The following SLC8A3 variants were observed in gnomAD, a reference collection of about 807,000 sequenced individuals.
SLC8A3 encodes solute carrier family 8 member A3.
Under a neutral mutation model 65.4 loss-of-function variants are expected in SLC8A3, and 37 were observed. The observed-to-expected ratio is 0.57, with a 90% confidence interval of 0.44 to 0.74. The LOEUF is 0.74. Among genes scored for constraint, SLC8A3 ranks in the 30% least tolerant of loss-of-function variants. SLC8A3 has a pLI of 0.00. For missense variants in SLC8A3, 1,112 were observed against 1,172.1 expected, an observed-to-expected ratio of 0.95 and a Z score of 0.75; for synonymous variants, 461 against 444.5, an observed-to-expected ratio of 1.04 and a Z score of -0.47.
At chr14:70,108,998 C>T (rs1893077361) in intron 2 of SLC8A3, among the ~76,000 whole-genome samples, 1 of 152,170 alleles carries the variant, frequency 6.6e-6, no homozygotes, top group Non-Finnish European at 1.5e-5. Context: ...CAGAGCCCTT[C>T]TCAATCTAAA....
chr14:70,174,651 G>GGTT lies in SLC8A3; in HGVS notation c.-62-6168_-62-6167insAAC, dbSNP rs1555385182. Reference sequence around the variant, plus strand: ...CCAAAAAGCCCCTTGGACCAAATCCGTTTTTTTTTTGTTTTTTTTTTTTTT... The same window carrying GGTT: ...CCAAAAAGCCCCTTGGACCAAATCCGGTTTTTTTTTTTTGTTTTTTTTTTTTTT... On this transcript the variant is annotated intron_variant, in intron 1 of 6. Coordinates refer to ENST00000356921, the MANE Select transcript of SLC8A3 (RefSeq NM_182932.3). Among the ~76,000 whole-genome samples, 64 of 90,374 alleles carry GGTT rather than the reference G, an allele frequency of 7.1e-4. 3 individuals are homozygous for GGTT. The highest frequency in any genetic ancestry group is 3.1e-3 in the African/African-American group (62 of 20,260). 59.3% of individuals were successfully genotyped at this position (90,374 alleles called of 152,430 possible). A position where few individuals can be genotyped will look rare whatever the true frequency, so the allele number is the denominator to read the frequency against.
chr14:70,083,267 T>G (rs1376876480), intron 2 of SLC8A3, among the ~76,000 whole-genome samples: 3 of 152,160 alleles, frequency 2.0e-5, no homozygotes, highest in Admixed American at 2.0e-4. Context: ...CTCTTTACAG[T>G]GGACAAAATG....
chr14:70,057,798 G>T (rs953969051), intron 3 of SLC8A3, among the ~76,000 whole-genome samples: 3 of 152,176 alleles, frequency 2.0e-5, no homozygotes, highest in African/African-American at 4.8e-5. Flanking sequence ...AAGAGCATAG[G>T]ACTGTGAGTA....
intron 2 of SLC8A3, among the ~76,000 whole-genome samples, chr14:70,072,302 G>A (rs1228691509): frequency 6.6e-6 from 1 of 152,156 alleles, no homozygotes; most frequent in Non-Finnish European, 1.5e-5. Flanking sequence ...TATGGACCTA[G>A]GGTTCAGGAT....
At position 70,051,098 on chromosome 14, in the gene SLC8A3, C is replaced by T. The variant is rs1887455368; in HGVS notation, c.2023G>A (p.Asp675Asn). The change falls in exon 5 of 7, where the codon GAC (aspartate) becomes AAC (asparagine). Residue 675 changes from aspartate (D) to asparagine (N), a missense_variant. Physicochemically the swap from Asp to Asn is conservative, Grantham distance 23 (BLOSUM62 1). Coordinates refer to ENST00000356921, the MANE Select transcript of SLC8A3 (RefSeq NM_182932.3). ...AGGTTTGTCTTCTTGATCAGTTTGT[C>T]CACCGTAGTCTGTTAAGAAGAGAAA... ...EESYEFKTTV[D>N]KLIKKTNLAL... 6.2e-7 allele frequency: 1 copy of T among 1,611,686 alleles called. No homozygotes were observed. The highest frequency in any genetic ancestry group is 8.5e-7 in the Non-Finnish European group (1 of 1,178,016).
intron 2 of SLC8A3, 78 bp downstream of exon 2, chr14:70,166,561 A>T: frequency 1.2e-6 from 1 of 831,272 alleles, no homozygotes; most frequent in Non-Finnish European, 2.0e-6. Flanking sequence ...GAAATGTTGT[A>T]AAGTGCAGTA....
At chr14:70,164,046 T>C (rs575495085) in intron 2 of SLC8A3, among the ~76,000 whole-genome samples, 34 of 152,310 alleles carry the variant, frequency 2.2e-4, no homozygotes, top group African/African-American at 7.9e-4. Context: ...CTGAAGAATA[T>C]TGTTAATTCG....
chr14:70,170,658 C>T (rs1056586415), intron 1 of SLC8A3, among the ~76,000 whole-genome samples: 1 of 152,172 alleles, frequency 6.6e-6, no homozygotes, highest in East Asian at 1.9e-4. Context: ...ATTTTAGAGG[C>T]TATGTGGGAC....
rs193276124 is a variant in SLC8A3, at chr14:70,121,509, C to T, written c.1784+45130G>A. Reference sequence around the variant, plus strand: ...TGCTGAGAAACCACTGGGCCAGTTGCCTCCTTAAACCACTTCAGCCTCAGT... The same window carrying T: ...TGCTGAGAAACCACTGGGCCAGTTGTCTCCTTAAACCACTTCAGCCTCAGT... On this transcript the variant is annotated intron_variant, in intron 2 of 6. Transcript: ENST00000356921. Among the ~76,000 whole-genome samples the T allele has an allele frequency of 3.3e-3, 501 of 152,268 alleles. 13 individuals carry two copies. Among genetic ancestry groups the T allele is most frequent in the Non-Finnish European group, 7.6e-4 (52 of 68,024 alleles).
At chr14:70,061,152 CG>C (rs1888756287) in intron 2 of SLC8A3, among the ~76,000 whole-genome samples, 1 of 151,874 alleles carries the variant, frequency 6.6e-6, no homozygotes, top group South Asian at 2.1e-4. Context: ...GTTGTTCTTA[CG>C]GGTGAGGGGG....
chr14:70,076,681 C>T (rs1454874723), intron 2 of SLC8A3, among the ~76,000 whole-genome samples: 2 of 152,186 alleles, frequency 1.3e-5, no homozygotes, highest in Non-Finnish European at 2.9e-5. Flanking sequence ...TGTTTCCCTT[C>T]CCAAACAAGT....
chr14:70,112,502 C>T (rs1411883239), intron 2 of SLC8A3, among the ~76,000 whole-genome samples: 1 of 152,148 alleles, frequency 6.6e-6, no homozygotes, highest in Admixed American at 6.5e-5. Context: ...GGTTTCACAG[C>T]TTCCTGTCAT....
chr14:70,073,948 C>T (rs1244422381), intron 2 of SLC8A3, among the ~76,000 whole-genome samples: 13 of 152,152 alleles, frequency 8.5e-5, no homozygotes, highest in Admixed American at 7.2e-4. Flanking sequence ...ATAGCAAATC[C>T]AGGAAAGATT....
At chr14:70,126,595 C>CAT (rs1894473708) in intron 2 of SLC8A3, among the ~76,000 whole-genome samples, 1 of 151,714 alleles carries the variant, frequency 6.6e-6, no homozygotes, top group African/African-American at 2.4e-5. Flanking sequence ...CACACACACA[C>CAT]ACACACACAC....
intron 2 of SLC8A3, among the ~76,000 whole-genome samples, chr14:70,104,843 AAAG>A (rs752268745): frequency 4.6e-5 from 7 of 152,198 alleles, no homozygotes; most frequent in Admixed American, 4.6e-4. Flanking sequence ...ACTTATTAGA[AAAG>A]AAGAAAGGTT....
chr14:70,144,433 C>G (rs1205977972), intron 2 of SLC8A3, among the ~76,000 whole-genome samples: 1 of 149,396 alleles, frequency 6.7e-6, no homozygotes, highest in East Asian at 2.0e-4. Flanking sequence ...AGTTTGAGAC[C>G]AGCTTGGCCA....
At position 70,167,370 on chromosome 14, in the gene SLC8A3, A is replaced by G. The variant is rs2114024; in HGVS notation, c.1053T>C (p.Arg351=). 1,611,899 of 1,614,144 alleles carry G rather than the reference A, an allele frequency of 1. 804,849 individuals carry two copies. Among genetic ancestry groups the G allele is most frequent in the East Asian group, 1 (44,865 of 44,866 alleles). Residue 351 remains arginine, a synonymous_variant, in exon 2 of 7, where the codon CGT becomes CGC. Transcript: ENST00000356921. Reference sequence around the variant, plus strand: ...GAGTGGCTTGGATACGGTAGAAGGCACGGCTCTTCTGTTGGTGGGAAAGAG... The same window carrying G: ...GAGTGGCTTGGATACGGTAGAAGGCGCGGCTCTTCTGTTGGTGGGAAAGAG... ...YYALSHQQKS[R]AFYRIQATRM...
intron 5 of SLC8A3, among the ~76,000 whole-genome samples, chr14:70,049,941 G>T (rs1285144380): frequency 6.6e-6 from 1 of 152,234 alleles, no homozygotes; most frequent in Non-Finnish European, 1.5e-5. Flanking sequence ...AGCAGCCCTG[G>T]AGGGGAGGGT....
intron 1 of SLC8A3, among the ~76,000 whole-genome samples, chr14:70,180,880 G>A (rs1882692685): frequency 6.6e-6 from 1 of 152,182 alleles, no homozygotes; most frequent in South Asian, 2.1e-4. Flanking sequence ...CCAGTTTAGG[G>A]CACCTTACTG....
Sources: allele counts gnomAD v4.1 joint callset (sites outside exome capture counted in the v4.1 genomes callset), GRCh38; gene constraint gnomAD v4.1.1; transcripts MANE v1.5; gene names NCBI Gene and HGNC (gene_info 2026-07-23, HGNC 2026-07-21).